The following COP1 variants were observed in gnomAD, a reference collection of about 807,000 sequenced individuals.
COP1 encodes COP1 E3 ubiquitin ligase.
Under a neutral mutation model 101.3 loss-of-function variants are expected in COP1, and 24 were observed. The observed-to-expected ratio is 0.24, with a 90% CI of 0.17 to 0.33. The LOEUF (loss-of-function observed/expected upper bound fraction) is 0.33. COP1 is among the 10% of genes least tolerant of loss of function. The pLI, the probability that COP1 is intolerant of heterozygous loss-of-function variation, is 1.00. For missense variants in COP1, 663 were observed against 906.2 expected (o/e 0.73, Z 3.45); for synonymous variants, 347 against 341.9 (o/e 1.01, Z -0.17).
At chr1:176,078,072 C>A (rs1214321642) in intron 11 of COP1, among the ~76,000 whole-genome samples, 1 of 152,074 alleles carries the variant, frequency 6.6e-6, no homozygotes, top group Non-Finnish European at 1.5e-5. Context: ...CAATATTGTT[C>A]AAAGCAATTT....
chr1:175,996,242 A>G (rs1168146646), intron 15 of COP1, among the ~76,000 whole-genome samples: 101 of 150,092 alleles, frequency 6.7e-4, no homozygotes, highest in African/African-American at 2.4e-3. Context: ...TTGATGGGAT[A>G]TATCTCAAAA....
chr1:176,118,265 T>C (rs1339157368), intron 8 of COP1, among the ~76,000 whole-genome samples: 1 of 152,238 alleles, frequency 6.6e-6, no homozygotes, highest in Non-Finnish European at 1.5e-5. Flanking sequence ...CAATAAACTT[T>C]AGTTTCTTTT....
intron 14 of COP1, among the ~76,000 whole-genome samples, chr1:176,035,521 G>T (rs1669347549): frequency 6.6e-6 from 1 of 151,724 alleles, no homozygotes; most frequent in Non-Finnish European, 1.5e-5. Flanking sequence ...AATATTGACA[G>T]GGATAGTGAT....
chr1:176,131,173 T>C (rs1014192165), intron 8 of COP1, among the ~76,000 whole-genome samples: 28 of 151,812 alleles, frequency 1.8e-4, no homozygotes, highest in African/African-American at 6.5e-4. Context: ...TGCAAAGAGA[T>C]GGATCTAAAC....
chr1:176,049,497 ATAT>A (rs1571918941), intron 11 of COP1, among the ~76,000 whole-genome samples: 1 of 152,056 alleles, frequency 6.6e-6, no homozygotes, highest in East Asian at 1.9e-4. Flanking sequence ...TTTAATAGAA[ATAT>A]TAATCAAAAA....
At chr1:176,131,293 G>A (rs372976651) in intron 8 of COP1, among the ~76,000 whole-genome samples, 1 of 151,852 alleles carries the variant, frequency 6.6e-6, no homozygotes, top group African/African-American at 2.4e-5. Context: ...TAGATGAGGT[G>A]ATGCTAAGGA....
At chr1:176,023,456 C>T (rs1246660607) in intron 15 of COP1, among the ~76,000 whole-genome samples, 3 of 152,078 alleles carry the variant, frequency 2.0e-5, no homozygotes, top group African/African-American at 7.2e-5. Context: ...TGGTGGCTCA[C>T]GCCTGTAATC....
chr1:175,944,974 C>T lies in COP1; in HGVS notation c.*179G>A. On this transcript the variant is annotated 3_prime_UTR_variant, in exon 20 of 20. Coordinates refer to ENST00000367669, the MANE Select transcript of COP1 (RefSeq NM_022457.7). ...TGGTGGAGAGTTGGCTGGGTATTCC[C>T]AATGTCCCAAAGGTCATAAAGGAGG... 1.7e-6 allele frequency: 1 copy of T among 585,284 alleles called. No individual in the cohort carries two copies. 36.3% of individuals were successfully genotyped at this position (585,284 alleles called of 1,614,324 possible). A position where few individuals can be genotyped will look rare whatever the true frequency, so the allele number is the denominator to read the frequency against.
intron 8 of COP1, among the ~76,000 whole-genome samples, chr1:176,133,226 G>GT (rs1224209192): frequency 5.4e-5 from 3 of 55,832 alleles, no homozygotes; most frequent in Non-Finnish European, 1.3e-4. Flanking sequence ...ACGTATATAC[G>GT]TACGTATATG....
At chr1:176,057,901 C>A (rs1453437686) in intron 11 of COP1, among the ~76,000 whole-genome samples, 2 of 151,990 alleles carry the variant, frequency 1.3e-5, no homozygotes, top group Non-Finnish European at 2.9e-5. Context: ...AGCGTCTCTG[C>A]CCGGCCGCCC....
At chr1:176,142,921 T>G (rs958347703) in intron 6 of COP1, among the ~76,000 whole-genome samples, 1 of 151,698 alleles carries the variant, frequency 6.6e-6, no homozygotes, top group Non-Finnish European at 1.5e-5. Flanking sequence ...ATCTGCATAA[T>G]AATATGCATA....
intron 9 of COP1, chr1:176,100,264 C>T (rs890499880): frequency 1.7e-5 from 4 of 237,800 alleles, no homozygotes; most frequent in African/African-American, 2.3e-5. Context: ...AGGCAGGCGC[C>T]GGTAATCCCA....
chr1:176,021,088 C>A (rs912828913), intron 15 of COP1, among the ~76,000 whole-genome samples: 1 of 152,116 alleles, frequency 6.6e-6, no homozygotes, highest in African/African-American at 2.4e-5. Flanking sequence ...CTCAAGCAAT[C>A]CCCCTGCTTC....
At chr1:176,010,166 GTC>G (rs142428186) in intron 15 of COP1, among the ~76,000 whole-genome samples, 100 of 149,090 alleles carry the variant, frequency 6.7e-4, no homozygotes, top group Middle Eastern at 3.4e-3. Context: ...ACCGCCTCTT[GTC>G]TCTCTCTCTC....
intron 10 of COP1, 149 bp from the exon 11 acceptor site, chr1:176,081,436 T>TG: frequency 1.8e-6 from 1 of 554,546 alleles, no homozygotes; most frequent in Non-Finnish European, 3.0e-6. Context: ...ACAATTTAAT[T>TG]GGTCAGTTTT....
intron 11 of COP1, among the ~76,000 whole-genome samples, chr1:176,058,188 G>GGA (rs1344362079): frequency 6.8e-5 from 10 of 146,700 alleles, no homozygotes; most frequent in Non-Finnish European, 4.5e-5. Context: ...TAGGGAGGGG[G>GGA]GGGGTCAGCC....
At chr1:176,056,551 T>C (rs1387348911) in intron 11 of COP1, among the ~76,000 whole-genome samples, 2 of 152,192 alleles carry the variant, frequency 1.3e-5, no homozygotes, top group African/African-American at 4.8e-5. Flanking sequence ...ATTGATCTAA[T>C]GCTTTCTAGC....
intron 14 of COP1, among the ~76,000 whole-genome samples, chr1:176,039,580 GAAAA>G (rs58546888): frequency 2.0e-5 from 3 of 149,320 alleles, no homozygotes; most frequent in Non-Finnish European, 4.5e-5. Flanking sequence ...ATGTTTTACA[GAAAA>G]AAAAAAAATT....
At chr1:176,031,910 T>C (rs1223678137) in intron 14 of COP1, among the ~76,000 whole-genome samples, 1 of 152,218 alleles carries the variant, frequency 6.6e-6, no homozygotes, top group Admixed American at 6.5e-5. Flanking sequence ...TTTGCTAAAA[T>C]TGTTTCCAAA....
Sources: gnomAD v4.1 joint callset for allele counts (sites outside exome capture counted in the v4.1 genomes callset) on GRCh38, gnomAD v4.1.1 for gene constraint, MANE v1.5 for transcripts, NCBI Gene and HGNC (gene_info 2026-07-23, HGNC 2026-07-21) for gene names.